Variants in TAX1BP1 observed in about 807,000 individuals in gnomAD.
The protein encoded by TAX1BP1 is tax1-binding protein 1.
TAX1BP1 carries 62 observed loss-of-function variants against 97.7 expected under a neutral mutation model. The ratio of observed to expected loss-of-function variants is 0.63; its 90% CI spans 0.52 to 0.78. The LOEUF is 0.78. TAX1BP1 is among the 30% of genes least tolerant of loss of function. The pLI, the probability that TAX1BP1 is intolerant of heterozygous loss-of-function variation, is 0.00. For missense variants in TAX1BP1, 867 were observed against 916.1 expected (o/e 0.95, Z 0.69); for synonymous variants, 340 against 304.2 (o/e 1.12, Z -1.23).
chr7:27,741,851 C>T (rs1012459508), intron 1 of TAX1BP1, among the ~76,000 whole-genome samples: 4 of 152,160 alleles, frequency 2.6e-5, no homozygotes, highest in African/African-American at 9.7e-5. Context: ...GGTGTTTCTC[C>T]GAGAGGGGGC....
chr7:27,771,883 C>G (rs907979366), intron 5 of TAX1BP1: 1 of 151,942 alleles, frequency 6.6e-6, no homozygotes, highest in East Asian at 1.9e-4. Context: ...GAAGTTCTCT[C>G]TAAATGTAAG....
chr7:27,814,573 A>G (rs1019174421), intron 13 of TAX1BP1, among the ~76,000 whole-genome samples: 3 of 152,116 alleles, frequency 2.0e-5, no homozygotes, highest in African/African-American at 7.2e-5. Context: ...GGCTTTGCAC[A>G]TCTTTCATAT....
At chr7:27,791,389 G>A (rs1270888098) in intron 8 of TAX1BP1, among the ~76,000 whole-genome samples, 1 of 151,884 alleles carries the variant, frequency 6.6e-6, no homozygotes, top group African/African-American at 2.4e-5. Context: ...TTTCACCATG[G>A]CAATTTTAGC....
chr7:27,761,752 C>T (rs1408960591), intron 3 of TAX1BP1, among the ~76,000 whole-genome samples: 5 of 152,126 alleles, frequency 3.3e-5, no homozygotes, highest in East Asian at 1.9e-4. Context: ...GTTGCTTCCA[C>T]GTTTTGGCAC....
At chr7:27,764,579 T>C (rs995231389) in intron 3 of TAX1BP1, among the ~76,000 whole-genome samples, 2 of 152,224 alleles carry the variant, frequency 1.3e-5, no homozygotes, top group African/African-American at 4.8e-5. Context: ...AATAAAGTTA[T>C]TATTTTTTTC....
chr7:27,819,358 A>G (rs1790890806), intron 15 of TAX1BP1, among the ~76,000 whole-genome samples: 1 of 152,174 alleles, frequency 6.6e-6, no homozygotes, highest in Admixed American at 6.5e-5. Context: ...GTGTGTGACT[A>G]TTGGCCACTG....
At chr7:27,810,412 T>C (rs192357686) in intron 13 of TAX1BP1, among the ~76,000 whole-genome samples, 1 of 152,280 alleles carries the variant, frequency 6.6e-6, no homozygotes, top group Admixed American at 6.5e-5. Context: ...TTAGAAAAGG[T>C]AAATTCTTTA....
intron 12 of TAX1BP1, among the ~76,000 whole-genome samples, chr7:27,799,731 AT>A (rs1190939049): frequency 6.6e-6 from 1 of 152,048 alleles, no homozygotes; most frequent in African/African-American, 2.4e-5. Context: ...GTATCTTAAC[AT>A]TTTTTCTTGT....
intron 15 of TAX1BP1, among the ~76,000 whole-genome samples, chr7:27,824,642 A>G (rs1791105494): frequency 6.6e-6 from 1 of 151,942 alleles, no homozygotes; most frequent in Non-Finnish European, 1.5e-5. Context: ...TGTACAGAGT[A>G]TATCCTGAGC....
chr7:27,739,530 T>C (rs1313345534), upstream of TAX1BP1: 3 of 152,042 alleles, frequency 2.0e-5, no homozygotes, highest in African/African-American at 7.3e-5. Context: ...ACACGGAAAA[T>C]GATACGGATA....
chr7:27,763,638 T>C (rs1353567863), intron 3 of TAX1BP1, among the ~76,000 whole-genome samples: 1 of 152,068 alleles, frequency 6.6e-6, no homozygotes, highest in Non-Finnish European at 1.5e-5. Context: ...CGTGATGGCG[T>C]GTGCCTGTAA....
At chr7:27,745,353 C>T (rs1188456523) in intron 1 of TAX1BP1, among the ~76,000 whole-genome samples, 4 of 152,150 alleles carry the variant, frequency 2.6e-5, no homozygotes, top group Non-Finnish European at 5.9e-5. Flanking sequence ...TTTTTGTAAG[C>T]TTGCCTAAGT....
chr7:27,778,797 G>A (rs1002740258), intron 5 of TAX1BP1, among the ~76,000 whole-genome samples: 1 of 151,692 alleles, frequency 6.6e-6, no homozygotes, highest in Non-Finnish European at 1.5e-5. Flanking sequence ...GCGAGGTGGA[G>A]GTTGCAGTGA....
intron 15 of TAX1BP1, among the ~76,000 whole-genome samples, chr7:27,826,379 C>A (rs995344946): frequency 6.6e-6 from 1 of 152,126 alleles, no homozygotes; most frequent in Non-Finnish European, 1.5e-5. Context: ...TAGTCAAGTA[C>A]TAGAAATACT....
At chr7:27,765,009 G>GT (rs1179797055) in intron 3 of TAX1BP1, among the ~76,000 whole-genome samples, 47 of 81,084 alleles carry the variant, frequency 5.8e-4, no homozygotes, top group East Asian at 2.6e-3. Flanking sequence ...TCTCCTCTCT[G>GT]TTTTTTTTTT....
intron 5 of TAX1BP1, among the ~76,000 whole-genome samples, chr7:27,784,013 G>T (rs1249320033): frequency 1.3e-5 from 2 of 152,188 alleles, no homozygotes; most frequent in Non-Finnish European, 2.9e-5. Flanking sequence ...AGTCAATAGG[G>T]TGTATCTGAC....
chr7:27,748,469 G>T, intron 1 of TAX1BP1, 49 bp from the exon 2 acceptor site: 2 of 1,349,330 alleles, frequency 1.5e-6, no homozygotes, highest in South Asian at 2.0e-5. Context: ...GAAGGCATAA[G>T]TTTATTCTTA....
chr7:27,803,304 AAT>A, intron 13 of TAX1BP1: 1 of 933,514 alleles, frequency 1.1e-6, no homozygotes, highest in South Asian at 3.4e-5. Context: ...AAAACAGTGA[AAT>A]TTCTAAAAAT....
intron 7 of TAX1BP1, among the ~76,000 whole-genome samples, chr7:27,785,906 G>A (rs1789460393): frequency 6.6e-6 from 1 of 152,106 alleles, no homozygotes; most frequent in Admixed American, 6.5e-5. Context: ...TACTTAACAG[G>A]TAGTGTGTAA....
Sources: gnomAD v4.1 joint callset for allele counts (sites outside exome capture counted in the v4.1 genomes callset) on GRCh38, gnomAD v4.1.1 for gene constraint, MANE v1.5 for transcripts, NCBI Gene and HGNC (gene_info 2026-07-23, HGNC 2026-07-21) for gene names.